VPS29: variants seen among roughly 807,000 people sequenced by gnomAD.
VPS29 encodes the protein VPS29 retromer complex component, also known as vacuolar protein sorting-associated protein 29.
A neutral mutation model predicts 20.0 loss-of-function variants in VPS29; 2 were observed. That is an observed-to-expected ratio of 0.10 (90% CI 0.04 to 0.31). The LOEUF (loss-of-function observed/expected upper bound fraction) is 0.31. VPS29 is among the 10% of genes least tolerant of loss of function. The probability of loss-of-function intolerance (pLI) is 1.00; values close to 1 mark genes in which losing one functional copy is unlikely to be tolerated. For missense variants in VPS29, 120 were observed against 215.3 expected, an observed-to-expected ratio of 0.56 and a Z score of 2.77; for synonymous variants, 81 against 79.3, an observed-to-expected ratio of 1.02 and a Z score of -0.12.
chr12:110,501,754 G>A (rs1030466491), intron 1 of VPS29: 3 of 1,105,620 alleles, frequency 2.7e-6, no homozygotes, highest in Non-Finnish European at 4.0e-6. Flanking sequence ...GGCCTTCCCT[G>A]GCTCGGGCGT....
chr12:110,500,760 T>C (rs1024210258), intron 1 of VPS29, among the ~76,000 whole-genome samples: 1 of 152,112 alleles, frequency 6.6e-6, no homozygotes, highest in Non-Finnish European at 1.5e-5. Context: ...TGATTTTTTT[T>C]TTTTTTTTGA....
intron 1 of VPS29, among the ~76,000 whole-genome samples, chr12:110,500,498 A>G (rs556676255): frequency 6.6e-6 from 1 of 152,332 alleles, no homozygotes; most frequent in African/African-American, 2.4e-5. Flanking sequence ...TTTAGAAGCA[A>G]AAATTAAAAG....
At chr12:110,495,840 A>AT (rs1218798071) in intron 2 of VPS29, among the ~76,000 whole-genome samples, 172 bp downstream of exon 2, 1 of 151,914 alleles carries the variant, frequency 6.6e-6, no homozygotes, top group Non-Finnish European at 1.5e-5. Flanking sequence ...TAAATCAGTG[A>AT]TTTTCAAATA....
At chr12:110,499,577 AG>A in intron 1 of VPS29, 1 of 1,550,234 alleles carries the variant, frequency 6.5e-7, no homozygotes, top group African/African-American at 1.4e-5. Context: ...GATTGCAGAC[AG>A]GGGGGATGAA....
intron 1 of VPS29, 171 bp from the exon 2 acceptor site, chr12:110,496,374 G>T: frequency 1.8e-6 from 1 of 558,772 alleles, no homozygotes; most frequent in Non-Finnish European, 2.9e-6. Flanking sequence ...GAATCTGTAC[G>T]TATTTTTCTT....
chr12:110,497,408 G>A (rs1252248289), intron 1 of VPS29, among the ~76,000 whole-genome samples: 1 of 150,568 alleles, frequency 6.6e-6, no homozygotes, highest in Non-Finnish European at 1.5e-5. Context: ...GTAAAGATAG[G>A]GTTTCACCAT....
At chr12:110,499,860 T>C (rs1165434932) in intron 1 of VPS29, among the ~76,000 whole-genome samples, 2 of 152,216 alleles carry the variant, frequency 1.3e-5, no homozygotes, top group African/African-American at 4.8e-5. Context: ...TCGACTTCCA[T>C]CTCTGTTTTC....
At chr12:110,501,801 T>C in intron 1 of VPS29, 1 of 1,126,310 alleles carries the variant, frequency 8.9e-7, no homozygotes, top group Non-Finnish European at 1.3e-6. Context: ...TAGAGGGGCC[T>C]TTTTACCCCT....
chr12:110,499,487 C>A (rs1565863665), intron 1 of VPS29: 1 of 1,610,848 alleles, frequency 6.2e-7, no homozygotes, highest in South Asian at 1.1e-5. Flanking sequence ...AGTCAGTAAA[C>A]AGCCACCCAA....
At chr12:110,499,594 A>G (rs1369879067) in intron 1 of VPS29, 1 of 1,486,526 alleles carries the variant, frequency 6.7e-7, no homozygotes, top group East Asian at 2.3e-5. Flanking sequence ...ATGAAAAAAA[A>G]AGGGTGAAAC....
At chr12:110,498,548 A>G (rs768992530) in intron 1 of VPS29, among the ~76,000 whole-genome samples, 37 of 152,372 alleles carry the variant, frequency 2.4e-4, no homozygotes, top group African/African-American at 7.5e-4. Context: ...ATCTTGCAAC[A>G]AAAATTAAAA....
At chr12:110,492,868 C>G in intron 3 of VPS29, 128 bp downstream of exon 3, 7 of 821,038 alleles carry the variant, frequency 8.5e-6, no homozygotes, top group Non-Finnish European at 1.3e-5. Context: ...AAGCAACCTG[C>G]CCTGGTCTCC....
At chr12:110,497,688 C>T (rs566828373) in intron 1 of VPS29, among the ~76,000 whole-genome samples, 3 of 151,462 alleles carry the variant, frequency 2.0e-5, no homozygotes, top group Admixed American at 1.3e-4. Flanking sequence ...GTCAGGAGTT[C>T]GAGACCAGCC....
chr12:110,493,354 A>G (rs2062849741), intron 2 of VPS29, 123 bp from the exon 3 acceptor site: 2 of 628,410 alleles, frequency 3.2e-6, no homozygotes, highest in South Asian at 4.2e-5. Flanking sequence ...CAACACACAC[A>G]TTTATACATT....
intron 2 of VPS29, 30 bp downstream of exon 2, chr12:110,495,982 T>C (rs2062900251): frequency 6.8e-7 from 1 of 1,466,222 alleles, no homozygotes; most frequent in Non-Finnish European, 9.2e-7. Context: ...GAAAGGGAGA[T>C]ATTTGAGAAG....
intron 2 of VPS29, among the ~76,000 whole-genome samples, chr12:110,493,912 T>C (rs984485390): frequency 1.3e-5 from 2 of 152,170 alleles, no homozygotes; most frequent in Non-Finnish European, 2.9e-5. Flanking sequence ...CTTTTATAGA[T>C]AGCTTAAAAT....
chr12:110,498,117 G>A (rs1290587279), intron 1 of VPS29, among the ~76,000 whole-genome samples: 4 of 151,718 alleles, frequency 2.6e-5, no homozygotes, highest in East Asian at 3.9e-4. Context: ...GATTACAAGC[G>A]CTCTCCACTA....
chr12:110,497,997 A>T (rs2062936378), intron 1 of VPS29, among the ~76,000 whole-genome samples: 1 of 148,332 alleles, frequency 6.7e-6, no homozygotes, highest in Non-Finnish European at 1.5e-5. Context: ...TTGAGATGGA[A>T]TTTTGCTCTC....
At chr12:110,499,610 CA>C in intron 1 of VPS29, 2 of 1,165,362 alleles carry the variant, frequency 1.7e-6, no homozygotes, top group South Asian at 2.8e-5. Context: ...GAAACATGAC[CA>C]ATGTTAAAAG....
Sources: allele counts gnomAD v4.1 joint callset (sites outside exome capture counted in the v4.1 genomes callset), GRCh38; gene constraint gnomAD v4.1.1; transcripts MANE v1.5; gene names NCBI Gene and HGNC (gene_info 2026-07-23, HGNC 2026-07-21).